The following NAALADL2 variants were observed in gnomAD, a reference collection of about 807,000 sequenced individuals.
The protein encoded by NAALADL2 is N-acetylated alpha-linked acidic dipeptidase like 2, also known as inactive N-acetylated-alpha-linked acidic dipeptidase-like protein 2.
A neutral mutation model predicts 87.2 loss-of-function variants in NAALADL2; 76 were observed. The ratio of observed to expected loss-of-function variants is 0.87; its 90% CI spans 0.72 to 1.05. The LOEUF is 1.05. Among genes scored for constraint, NAALADL2 ranks in the 50% least tolerant of loss-of-function variants. The pLI is 0.00. For synonymous variants in NAALADL2, 354 were observed against 331.0 expected, an observed-to-expected ratio of 1.07 and a Z score of -0.75; for missense variants, 1,089 against 945.8, an observed-to-expected ratio of 1.15 and a Z score of -1.99.
intron 9 of NAALADL2, among the ~76,000 whole-genome samples, chr3:175,472,700 T>G (rs1725079781): frequency 6.6e-6 from 1 of 152,168 alleles, no homozygotes; most frequent in Admixed American, 6.5e-5. Flanking sequence ...CTTAATAGTT[T>G]TTATTGGCAT....
chr3:175,299,286 G>GT (rs941092646), intron 4 of NAALADL2, among the ~76,000 whole-genome samples: 99 of 151,880 alleles, frequency 6.5e-4, no homozygotes, highest in Middle Eastern at 6.8e-3. Flanking sequence ...ATATAAAGTA[G>GT]TTTTTTTTGT....
intron 11 of NAALADL2, among the ~76,000 whole-genome samples, chr3:175,667,195 GAA>G (rs770151287): frequency 3.0e-4 from 30 of 98,674 alleles, no homozygotes; most frequent in African/African-American, 2.0e-3. Flanking sequence ...AAGAAAGAAA[GAA>G]AGAAAGAAAG....
At chr3:174,931,401 G>C (rs1002254030) in intron 1 of NAALADL2, among the ~76,000 whole-genome samples, 21 of 152,072 alleles carry the variant, frequency 1.4e-4, no homozygotes, top group African/African-American at 4.1e-4. Context: ...CCAAACATAA[G>C]ATGGGAACGA....
chr3:174,573,595 G>A (rs1045127104), intron 2 of NAALADL2, among the ~76,000 whole-genome samples: 4 of 152,094 alleles, frequency 2.6e-5, no homozygotes, highest in Non-Finnish European at 4.4e-5. Context: ...ATCTGCTTCT[G>A]GTGAGGGCCT....
At chr3:174,655,804 A>G (rs187335860) in intron 2 of NAALADL2, among the ~76,000 whole-genome samples, 1 of 152,182 alleles carries the variant, frequency 6.6e-6, no homozygotes, top group African/African-American at 2.4e-5. Flanking sequence ...GAGAATTTAA[A>G]TTACCTTACT....
chr3:175,214,952 A>C lies in NAALADL2; in HGVS notation c.546-18979A>C, dbSNP rs73045206. Reference sequence around the variant, plus strand: ...AATATACAAGGTATTTTTGTCAATTAATGGGGTTTACTAATTCACTACATG... The same window carrying C: ...AATATACAAGGTATTTTTGTCAATTCATGGGGTTTACTAATTCACTACATG... On this transcript the variant is annotated intron_variant, in intron 2 of 13. Coordinates refer to ENST00000454872, the MANE Select transcript of NAALADL2 (RefSeq NM_207015.3). 9.6e-3 allele frequency among the ~76,000 whole-genome samples: 1,457 copies of C among 152,206 alleles called. 22 individuals carry two copies. Among genetic ancestry groups the C allele is most frequent in the African/African-American group, 0.033 (1,374 of 41,540 alleles).
At chr3:175,337,252 G>A (rs979079117) in intron 5 of NAALADL2, among the ~76,000 whole-genome samples, 8 of 151,766 alleles carry the variant, frequency 5.3e-5, no homozygotes, top group Admixed American at 1.3e-4. Context: ...AGGTCTAGGT[G>A]GTATGGTGGT....
intron 3 of NAALADL2, among the ~76,000 whole-genome samples, chr3:174,828,515 T>C (rs1030385770): frequency 1.3e-5 from 2 of 152,172 alleles, no homozygotes; most frequent in African/African-American, 4.8e-5. Flanking sequence ...AAACTAAAGT[T>C]GCTGTATCAT....
chr3:175,316,189 C>T (rs755199575), intron 4 of NAALADL2, among the ~76,000 whole-genome samples: 3 of 152,028 alleles, frequency 2.0e-5, no homozygotes, highest in Non-Finnish European at 2.9e-5. Flanking sequence ...TGATTTTTTA[C>T]CTCTCTTGGT....
At chr3:175,040,745 C>G (rs909823285) in intron 1 of NAALADL2, among the ~76,000 whole-genome samples, 1 of 152,086 alleles carries the variant, frequency 6.6e-6, no homozygotes, top group Non-Finnish European at 1.5e-5. Context: ...TCATAAAATC[C>G]TCTATCCTTC....
At chr3:174,472,805 G>A (rs1312228042) in intron 1 of NAALADL2, among the ~76,000 whole-genome samples, 1 of 152,116 alleles carries the variant, frequency 6.6e-6, no homozygotes, top group East Asian at 1.9e-4. Flanking sequence ...GCCTCTCACT[G>A]TGGACTGAAT....
chr3:174,744,274 A>G (rs1323446150), intron 3 of NAALADL2, among the ~76,000 whole-genome samples: 6 of 151,886 alleles, frequency 4.0e-5, no homozygotes, highest in Admixed American at 3.9e-4. Context: ...TTAAAGAGGG[A>G]AAGAGAAGAC....
chr3:175,294,791 G>A (rs1266896103), intron 4 of NAALADL2, among the ~76,000 whole-genome samples: 1 of 152,158 alleles, frequency 6.6e-6, no homozygotes, highest in Non-Finnish European at 1.5e-5. Context: ...TATCAAAAAC[G>A]TTCAGTGCTG....
chr3:175,560,885 G>A (rs974650335), intron 9 of NAALADL2, among the ~76,000 whole-genome samples: 1 of 152,164 alleles, frequency 6.6e-6, no homozygotes, highest in African/African-American at 2.4e-5. Flanking sequence ...TTCCCAAAGT[G>A]CTGGGATTAC....
chr3:174,508,878 C>T (rs563263325), intron 1 of NAALADL2, among the ~76,000 whole-genome samples: 1 of 152,044 alleles, frequency 6.6e-6, no homozygotes, highest in African/African-American at 2.4e-5. Context: ...GCAAACACAT[C>T]TCAAAAAGTA....
intron 1 of NAALADL2, among the ~76,000 whole-genome samples, chr3:174,949,663 T>C (rs1195657248): frequency 6.6e-6 from 1 of 152,132 alleles, no homozygotes; most frequent in Non-Finnish European, 1.5e-5. Flanking sequence ...ACTATGCCCT[T>C]TACAAAGGAA....
At chr3:174,469,507 C>T (rs1331675355) in intron 1 of NAALADL2, among the ~76,000 whole-genome samples, 1 of 151,852 alleles carries the variant, frequency 6.6e-6, no homozygotes, top group African/African-American at 2.4e-5. Context: ...CAGCTCACTG[C>T]TAGCTCTGCC....
chr3:174,487,745 G>A (rs930564959), intron 1 of NAALADL2, among the ~76,000 whole-genome samples: 2 of 151,650 alleles, frequency 1.3e-5, no homozygotes, highest in African/African-American at 2.4e-5. Flanking sequence ...TTGTAGGCAG[G>A]TAGACGTGTC....
chr3:175,344,577 T>A (rs1427482563), intron 5 of NAALADL2, among the ~76,000 whole-genome samples: 8 of 152,046 alleles, frequency 5.3e-5, no homozygotes, highest in African/African-American at 1.9e-4. Flanking sequence ...TTAAGTGTTT[T>A]TATCTTTTAT....
Sources: allele counts gnomAD v4.1 joint callset (sites outside exome capture counted in the v4.1 genomes callset), GRCh38; gene constraint gnomAD v4.1.1; transcripts MANE v1.5; gene names NCBI Gene and HGNC (gene_info 2026-07-23, HGNC 2026-07-21).